The following VPS13D variants were observed in gnomAD, a reference collection of about 807,000 sequenced individuals.
The protein encoded by VPS13D is intermembrane lipid transfer protein VPS13D.
Under a neutral mutation model 461.9 loss-of-function variants are expected in VPS13D, and 187 were observed. That is an observed-to-expected ratio of 0.40 (90% CI 0.36 to 0.46). The LOEUF (loss-of-function observed/expected upper bound fraction) is 0.46. Ranked by LOEUF, VPS13D falls within the 20% of genes least tolerant of loss-of-function variation. The pLI, the probability that VPS13D is intolerant of heterozygous loss-of-function variation, is 0.60. For missense variants in VPS13D, 4,711 were observed against 5,364.9 expected, an observed-to-expected ratio of 0.88 and a Z score of 3.81; for synonymous variants, 1,951 against 1,986.3, an observed-to-expected ratio of 0.98 and a Z score of 0.47.
intron 16 of VPS13D, 112 bp from the exon 17 acceptor site, chr1:12,270,882 A>ATTT: frequency 3.6e-6 from 4 of 1,100,164 alleles, no homozygotes; most frequent in Non-Finnish European, 5.0e-6. Flanking sequence ...GCCCAGCCTG[A>ATTT]TTTTTTTTTT....
chr1:12,354,023 A>G lies in VPS13D; in HGVS notation c.9481A>G (p.Asn3161Asp). Residue 3161 changes from asparagine to aspartate, a missense_variant, in exon 47 of 70, where the codon AAC becomes GAC. Physicochemically the swap from Asn to Asp is conservative, Grantham distance 23. This residue lies in a region of VPS13D where 4,411 missense variants were observed against 4,937.8 expected (regional missense o/e 0.89). Transcript: ENST00000620676. The stretch of plus-strand genomic sequence containing the variant: ...GAATTATCCAGATTATATGCCCTCA[A>G]ACATATTTTCTGACAGTGCAAAACA... ...KENYPDYMPS[N>D]IFSDSAKQIF... is the part of the protein sequence containing the mutation. 1 of 1,614,184 alleles carries G rather than the reference A, an allele frequency of 6.2e-7. No homozygotes were observed. Among genetic ancestry groups the G allele is most frequent in the Non-Finnish European group, 8.5e-7 (1 of 1,180,006 alleles).
rs920408928 is a variant in VPS13D, at chr1:12,510,363, C to T, written c.*1339C>T. On this transcript the variant is annotated 3_prime_UTR_variant, in exon 70 of 70. Coordinates refer to ENST00000620676, the MANE Select transcript of VPS13D (RefSeq NM_015378.4). ...TTTTAATAAAGCTAATCAATTTCTACAACCTTGTCACATGTAGCTGAGTCT... is the reference window on the plus strand; with the variant it reads ...TTTTAATAAAGCTAATCAATTTCTATAACCTTGTCACATGTAGCTGAGTCT... The T allele has an allele frequency of 1.3e-5, 2 of 152,202 alleles. No individual in the cohort carries two copies. The highest frequency in any genetic ancestry group is 4.8e-5 in the African/African-American group (2 of 41,440). 9.4% of individuals were successfully genotyped at this position (152,202 alleles called of 1,614,324 possible).
At position 12,369,689 on chromosome 1, in the gene VPS13D, T is replaced by TA; in HGVS notation, c.10796dup (p.Tyr3599Ter). The TA allele has an allele frequency of 6.2e-7, 1 of 1,613,872 alleles. No homozygotes were observed. The highest frequency in any genetic ancestry group is 8.5e-7 in the Non-Finnish European group (1 of 1,179,758). ...AAATTTCATTTACATTGCTGCTACA[T>TA]ATACATTCTCTGGGTAATTCTTGAT... is the stretch of plus-strand genomic sequence containing the variant. ...YENFIYIAAT[Y>*]TFSGLQEGTG... Residue 3599 changes from tyrosine (Y) to a stop codon, truncating the protein, a stop_gained and frameshift_variant, in exon 54 of 70, where the codon TAT (tyrosine) becomes TAAT (stop). Coordinates refer to ENST00000620676, the MANE Select transcript of VPS13D (RefSeq NM_015378.4). LOFTEE classifies it high-confidence loss of function.
Position 12,460,498 on chromosome 1 carries a change from G to C in VPS13D, c.12662+102G>C, listed in dbSNP as rs954080372. On this transcript the variant is annotated intron_variant, in intron 67 of 69. Transcript: ENST00000620676. ...TTAATTGTGCACTTTCTTAGTTATAGGGTTTTTAATTCAAATACTTGTAAC... is the reference window on the plus strand; with the variant it reads ...TTAATTGTGCACTTTCTTAGTTATACGGTTTTTAATTCAAATACTTGTAAC... 2.7e-6 allele frequency: 3 copies of C among 1,112,420 alleles called. No homozygotes were observed. The African/African-American group carries it at 4.8e-5, about 18-fold the overall frequency. 68.9% of individuals were successfully genotyped at this position (1,112,420 alleles called of 1,614,324 possible).
chr1:12,465,874 C>A (rs902840158), intron 67 of VPS13D, among the ~76,000 whole-genome samples: 2 of 152,144 alleles, frequency 1.3e-5, no homozygotes, highest in Non-Finnish European at 2.9e-5. Context: ...TGGTGGCTCA[C>A]GCCTGTAATC....
chr1:12,333,529 A>G (rs1643381239), intron 38 of VPS13D, among the ~76,000 whole-genome samples, 163 bp downstream of exon 38: 1 of 152,168 alleles, frequency 6.6e-6, no homozygotes, highest in Non-Finnish European at 1.5e-5. Context: ...CTTGATTCTC[A>G]ACCTGTTTCT....
intron 59 of VPS13D, 84 bp downstream of exon 59, chr1:12,385,457 T>G: frequency 8.9e-7 from 1 of 1,122,624 alleles, no homozygotes; most frequent in Non-Finnish European, 1.3e-6. Context: ...CCTTCTGTTT[T>G]CTTTCTATCC....
In VPS13D at chr1:12,304,601, G is replaced by A. The variant is rs761156436; in HGVS notation, c.6312G>A (p.Gly2104=). 2 of 1,614,140 alleles carry A rather than the reference G, an allele frequency of 1.2e-6. No homozygotes were observed. Among genetic ancestry groups the A allele is most frequent in the Admixed American group, 1.7e-5 (1 of 60,014 alleles). The change falls in exon 26 of 70, where the codon GGG becomes GGA. Residue 2104 remains glycine, a synonymous_variant. Coordinates refer to ENST00000620676, the MANE Select transcript of VPS13D (RefSeq NM_015378.4). ...AGCCCAGGGGAACCCATTCCCAGGGGCAGTTCACGATGCCTCTTGCTGGAA... is the reference window on the plus strand; with the variant it reads ...AGCCCAGGGGAACCCATTCCCAGGGACAGTTCACGATGCCTCTTGCTGGAA... ...TEEPRGTHSQ[G]QFTMPLAGMS...
At chr1:12,379,990 C>T (rs377764820) in intron 57 of VPS13D, among the ~76,000 whole-genome samples, 4 of 152,040 alleles carry the variant, frequency 2.6e-5, no homozygotes, top group Non-Finnish European at 5.9e-5. Context: ...AGGATGGTCT[C>T]GATCTCCTAA....
chr1:12,442,190 A>T (rs1206797683), intron 65 of VPS13D, among the ~76,000 whole-genome samples: 4 of 152,228 alleles, frequency 2.6e-5, no homozygotes, highest in Admixed American at 6.5e-5. Context: ...AGATTAAAAA[A>T]GTAGAAACAA....
intron 68 of VPS13D, among the ~76,000 whole-genome samples, chr1:12,498,686 C>G (rs534475322): frequency 6.6e-6 from 1 of 152,154 alleles, no homozygotes; most frequent in Non-Finnish European, 1.5e-5. Context: ...AATTTGTCTT[C>G]TCACAGTTCT....
At chr1:12,300,317 C>T (rs1378059624) in intron 25 of VPS13D, among the ~76,000 whole-genome samples, 1 of 149,376 alleles carries the variant, frequency 6.7e-6, no homozygotes, top group African/African-American at 2.5e-5. Context: ...AAGCAATTCT[C>T]CCGCCTCAGC....
intron 5 of VPS13D, among the ~76,000 whole-genome samples, chr1:12,247,198 G>A (rs1031060628): frequency 5.9e-5 from 9 of 152,074 alleles, no homozygotes; most frequent in African/African-American, 1.9e-4. Context: ...CAAGGCAGGC[G>A]GATTGCTTGA....
Position 12,267,025 on chromosome 1 carries a change from T to C in VPS13D, c.1725+14T>C. Reference sequence around the variant, plus strand: ...TTCCCTAATCCAGTATGTACAACAGTTGGATAGTTAATGTATCTAAGGTGT... The same window carrying C: ...TTCCCTAATCCAGTATGTACAACAGCTGGATAGTTAATGTATCTAAGGTGT... On this transcript the variant is annotated intron_variant, in intron 14 of 69. Transcript: ENST00000620676. The C allele has an allele frequency of 6.4e-7, 1 of 1,556,408 alleles. No homozygotes were observed. The highest frequency in any genetic ancestry group is 8.7e-7 in the Non-Finnish European group (1 of 1,155,808).
intron 29 of VPS13D, 114 bp from the exon 30 acceptor site, chr1:12,313,998 TCTC>T: frequency 1.2e-6 from 1 of 812,440 alleles, no homozygotes; most frequent in Non-Finnish European, 1.9e-6. Flanking sequence ...TGAAAGTTAT[TCTC>T]CTTATGGGAC....
intron 20 of VPS13D, among the ~76,000 whole-genome samples, chr1:12,281,964 T>C (rs555812565): frequency 4.6e-5 from 7 of 152,114 alleles, no homozygotes; most frequent in Non-Finnish European, 7.4e-5. Flanking sequence ...CTCAGCTCAC[T>C]GTGTCCTGCA....
At chr1:12,329,379 A>T (rs987791320) in intron 36 of VPS13D, among the ~76,000 whole-genome samples, 1 of 151,992 alleles carries the variant, frequency 6.6e-6, no homozygotes, top group Non-Finnish European at 1.5e-5. Flanking sequence ...ACGCCCAGCC[A>T]GTTTTTGTAT....
intron 49 of VPS13D, 90 bp from the exon 50 acceptor site, chr1:12,358,369 T>C (rs1162567922): frequency 6.6e-7 from 1 of 1,520,660 alleles, no homozygotes; most frequent in African/African-American, 1.4e-5. Flanking sequence ...GGAACTTGGG[T>C]GATAACTGTA....
At position 12,369,694 on chromosome 1, in the gene VPS13D, A is replaced by G. The variant is rs1644090249; in HGVS notation, c.10800A>G (p.Thr3600=). ...ENFIYIAATY[T]FSGLQEGTGR... ...TCATTTACATTGCTGCTACATATACATTCTCTGGGTAATTCTTGATTAAAT... is the reference window on the plus strand; with the variant it reads ...TCATTTACATTGCTGCTACATATACGTTCTCTGGGTAATTCTTGATTAAAT... Residue 3600 remains threonine (T), a synonymous_variant, in exon 54 of 70, where the codon ACA becomes ACG. Transcript: ENST00000620676. The G allele has an allele frequency of 1.9e-6, 3 of 1,613,446 alleles. No individual in the cohort carries two copies. In the African/African-American group the frequency reaches 4.0e-5, roughly 22 times the overall value.
Sources: gnomAD v4.1 joint callset for allele counts (sites outside exome capture counted in the v4.1 genomes callset) on GRCh38, gnomAD v4.1.1 for gene constraint, gnomAD v4.1.1 regional missense constraint, MANE v1.5 for transcripts, NCBI Gene and HGNC (gene_info 2026-07-23, HGNC 2026-07-21) for gene names.